CAST: variants seen among roughly 807,000 people sequenced by gnomAD.
CAST encodes MIR583 host.
Under a neutral mutation model 119.6 loss-of-function variants are expected in CAST, and 76 were observed. The observed-to-expected ratio is 0.64, with a 90% CI of 0.53 to 0.77. The LOEUF (loss-of-function observed/expected upper bound fraction) is 0.77. CAST is among the 30% of genes least tolerant of loss of function. CAST has a pLI of 0.00. For synonymous variants in CAST, 319 were observed against 331.6 expected, an observed-to-expected ratio of 0.96 and a Z score of 0.41; for missense variants, 953 against 946.5, an observed-to-expected ratio of 1.01 and a Z score of -0.09.
the CAST span, among the ~76,000 whole-genome samples, chr5:96,079,598 C>T: frequency 2.1e-4 from 32 of 151,840 alleles, no homozygotes; most frequent in African/African-American, 7.2e-4. Context: ...AATGAATTTC[C>T]TTCTCATTTC....
intron 2 of CAST, among the ~76,000 whole-genome samples, chr5:96,690,786 G>A (rs1020497297): frequency 1.3e-5 from 2 of 152,172 alleles, no homozygotes; most frequent in Non-Finnish European, 2.9e-5. Context: ...ACTTTTGAAA[G>A]ACAATCTTTT....
At chr5:96,281,776 A>G in the CAST span, among the ~76,000 whole-genome samples, 1 of 152,230 alleles carries the variant, frequency 6.6e-6, no homozygotes, top group Admixed American at 6.5e-5. Context: ...TGATGTGGCC[A>G]TATGTAGCTA....
the CAST span, among the ~76,000 whole-genome samples, chr5:96,283,137 A>AAAAG: frequency 1.5e-5 from 2 of 132,982 alleles, no homozygotes; most frequent in Admixed American, 7.9e-5. Flanking sequence ...CTCAAAAAAA[A>AAAAG]AAAAAAAAGA....
the CAST span, among the ~76,000 whole-genome samples, chr5:96,325,640 C>T: frequency 9.9e-5 from 15 of 151,992 alleles, no homozygotes; most frequent in Admixed American, 3.9e-4. Context: ...CTACCACGTC[C>T]GGCTAAGTTT....
rs761268132 is a variant in CAST, at chr5:96,773,364, G to A, written c.*748G>A. The stretch of plus-strand genomic sequence containing the variant: ...AAATAAAGGTTAGATAAGTCCTTGT[G>A]TAGCAAATTTCGAGCATAAGAAATA... On this transcript the variant is annotated 3_prime_UTR_variant, in exon 32 of 32. Transcript: ENST00000675179. The A allele has an allele frequency of 6.5e-6, 1 of 153,270 alleles. No individual in the cohort carries two copies. Among genetic ancestry groups the A allele is most frequent in the East Asian group, 1.9e-4 (1 of 5,340 alleles). 9.5% of individuals were successfully genotyped at this position (153,270 alleles called of 1,614,324 possible).
At chr5:96,356,437 G>A in the CAST span, among the ~76,000 whole-genome samples, 1 of 152,152 alleles carries the variant, frequency 6.6e-6, no homozygotes, top group East Asian at 1.9e-4. Context: ...GTATTGCCCA[G>A]GTTTTATTTT....
chr5:96,444,105 C>G, the CAST span, among the ~76,000 whole-genome samples: 1 of 152,190 alleles, frequency 6.6e-6, no homozygotes, highest in African/African-American at 2.4e-5. Flanking sequence ...GAAGCAGCCA[C>G]AGGGATTGAG....
intron 3 of CAST, chr5:96,702,787 G>T (rs924980933): frequency 5.1e-6 from 5 of 985,298 alleles, no homozygotes; most frequent in Non-Finnish European, 6.0e-6. Context: ...TCCCGGGACC[G>T]CCCCGCCCCG....
chr5:95,971,763 C>T, the CAST span, among the ~76,000 whole-genome samples: 17 of 152,198 alleles, frequency 1.1e-4, no homozygotes, highest in East Asian at 9.6e-4. Flanking sequence ...GAGATTCATC[C>T]GTGTTGTTGC....
the CAST span, among the ~76,000 whole-genome samples, chr5:96,457,734 T>A: frequency 1.3e-5 from 2 of 152,204 alleles, no homozygotes; most frequent in Non-Finnish European, 2.9e-5. Context: ...TGGTCTCTTA[T>A]CTTCCTCAAC....
chr5:96,639,088 A>C (rs1404837510), intron 1 of CAST, among the ~76,000 whole-genome samples: 1 of 152,214 alleles, frequency 6.6e-6, no homozygotes, highest in Non-Finnish European at 1.5e-5. Flanking sequence ...TCATTAGATC[A>C]TATACCAACA....
chr5:96,546,120 G>T (rs962065908), intron 1 of CAST: 1 of 152,106 alleles, frequency 6.6e-6, no homozygotes, highest in Admixed American at 6.5e-5. Context: ...ATCCTGTAGG[G>T]TTACCTCTGA....
the CAST span, chr5:96,412,917 A>T: frequency 1.0e-6 from 1 of 994,534 alleles, no homozygotes; most frequent in Non-Finnish European, 1.2e-6. Context: ...ACTAAATGAC[A>T]GACCAGCTTT....
chr5:96,360,387 T>C, the CAST span, among the ~76,000 whole-genome samples: 1 of 152,092 alleles, frequency 6.6e-6, no homozygotes. Context: ...TGGTGAGTAG[T>C]TGTGATCCCT....
At chr5:95,961,931 A>T in the CAST span, 2 of 618,214 alleles carry the variant, frequency 3.2e-6, no homozygotes. Flanking sequence ...GGCTCGTCTC[A>T]TTGGTCTTGT....
chr5:96,237,568 C>T, the CAST span, among the ~76,000 whole-genome samples: 3 of 152,258 alleles, frequency 2.0e-5, no homozygotes, highest in Non-Finnish European at 2.9e-5. Flanking sequence ...GGCCTGGAAC[C>T]ATATTCTGGA....
At chr5:96,478,764 A>G in the CAST span, among the ~76,000 whole-genome samples, 154 of 152,370 alleles carry the variant, frequency 1.0e-3, no homozygotes, top group South Asian at 0.02. Context: ...ACAGGTGACA[A>G]TGATATGTAG....
intron 3 of CAST, among the ~76,000 whole-genome samples, chr5:96,711,541 T>C (rs1035236217): frequency 6.6e-5 from 10 of 152,134 alleles, no homozygotes; most frequent in African/African-American, 2.4e-4. Context: ...CTTGTAAGAG[T>C]TGCATATTTT....
the CAST span, among the ~76,000 whole-genome samples, chr5:96,229,888 T>TC: frequency 9.2e-5 from 14 of 152,092 alleles, no homozygotes; most frequent in Non-Finnish European, 1.6e-4. Flanking sequence ...TCTTTTATCC[T>TC]CCCCCCGTGT....
Sources: gnomAD v4.1 joint callset for allele counts (sites outside exome capture counted in the v4.1 genomes callset) on GRCh38, gnomAD v4.1.1 for gene constraint, MANE v1.5 for transcripts, NCBI Gene and HGNC (gene_info 2026-07-23, HGNC 2026-07-21) for gene names.